STXBP4: variants seen among roughly 807,000 people sequenced by gnomAD.
The protein encoded by STXBP4 is syntaxin-binding protein 4.
STXBP4 carries 55 observed loss-of-function variants against 76.1 expected under a neutral mutation model. That is an observed-to-expected ratio of 0.72 (90% confidence interval 0.58 to 0.91). The LOEUF (loss-of-function observed/expected upper bound fraction) is 0.91. Among genes scored for constraint, STXBP4 ranks in the 40% least tolerant of loss-of-function variants. The pLI is 0.00. For synonymous variants in STXBP4, 201 were observed against 220.2 expected (o/e 0.91, Z 0.77); for missense variants, 618 against 636.9 (o/e 0.97, Z 0.32).
intron 16 of STXBP4, among the ~76,000 whole-genome samples, chr17:55,115,706 T>A (rs1326916027): frequency 6.6e-6 from 1 of 151,892 alleles, no homozygotes; most frequent in African/African-American, 2.4e-5. Flanking sequence ...AATCACAGTT[T>A]AAAGTAATAA....
chr17:55,182,715 G>GA, the STXBP4 span, among the ~76,000 whole-genome samples: 15 of 149,056 alleles, frequency 1.0e-4, no homozygotes, highest in Middle Eastern at 3.4e-3. Context: ...AAAGCAGACA[G>GA]AAAAAAAAAG....
chr17:55,141,101 ATTG>A (rs773623815), intron 16 of STXBP4, among the ~76,000 whole-genome samples: 1 of 152,180 alleles, frequency 6.6e-6, no homozygotes, highest in African/African-American at 2.4e-5. Flanking sequence ...ACTAAAGCAG[ATTG>A]TTAACTGCTC....
intron 7 of STXBP4, 73 bp downstream of exon 7, chr17:55,000,956 C>A: frequency 2.0e-6 from 2 of 1,018,022 alleles, no homozygotes; most frequent in Non-Finnish European, 3.0e-6. Flanking sequence ...TGTAATGTGA[C>A]TTAAGACTTT....
At chr17:55,101,339 T>C (rs1015316953) in intron 16 of STXBP4, among the ~76,000 whole-genome samples, 6 of 152,176 alleles carry the variant, frequency 3.9e-5, no homozygotes, top group African/African-American at 1.4e-4. Flanking sequence ...TTGACACTTT[T>C]CTATCTAATC....
At chr17:55,084,456 C>G (rs2079298049) in intron 16 of STXBP4, among the ~76,000 whole-genome samples, 1 of 151,956 alleles carries the variant, frequency 6.6e-6, no homozygotes, top group South Asian at 2.1e-4. Context: ...ATGGTAGTTT[C>G]TTTTGCTGTG....
intron 12 of STXBP4, among the ~76,000 whole-genome samples, chr17:55,065,219 CTT>C (rs1367438298): frequency 2.0e-5 from 3 of 152,120 alleles, no homozygotes; most frequent in African/African-American, 7.2e-5. Flanking sequence ...CATGTTTCCT[CTT>C]GTTTCTTTAT....
rs1267552887 is a variant in STXBP4, at chr17:55,164,131, A to AATGT, written c.*4221_*4224dup. ...AGAGAATGAAAAGAACCTTAAACAG[A>AATGT]ATGTGCCTGTGGAGCTTCGCTTTAG... On this transcript the variant is annotated 3_prime_UTR_variant, in exon 18 of 18. Transcript: ENST00000376352. 5 of 152,272 alleles carry AATGT rather than the reference A, an allele frequency of 3.3e-5. No individual in the cohort carries two copies. Among genetic ancestry groups the AATGT allele is most frequent in the African/African-American group, 1.2e-4 (5 of 41,464 alleles). 9.4% of individuals were successfully genotyped at this position (152,272 alleles called of 1,614,324 possible). A position where few individuals can be genotyped will look rare whatever the true frequency, so the allele number is the denominator to read the frequency against.
the STXBP4 span, among the ~76,000 whole-genome samples, chr17:55,187,193 G>A: frequency 6.6e-6 from 1 of 152,182 alleles, no homozygotes; most frequent in East Asian, 1.9e-4. Context: ...CAGAGAAGTA[G>A]GCAGCATGCA....
At chr17:55,108,951 A>G (rs1054414048) in intron 16 of STXBP4, among the ~76,000 whole-genome samples, 1 of 152,146 alleles carries the variant, frequency 6.6e-6, no homozygotes, top group Non-Finnish European at 1.5e-5. Context: ...TGCCCCCAAA[A>G]TTTGGCTTTA....
rs868325796 is a variant in STXBP4 at position 55,023,957 on chromosome 17, T to C, written c.667-7211T>C. 1.7e-4 allele frequency among the ~76,000 whole-genome samples: 21 copies of C among 120,688 alleles called. No individual in the cohort carries two copies. The South Asian group carries it at 5.5e-3, about 31-fold the overall frequency. The allele number at this position is 120,688 out of a possible 152,430, so 79.2% of individuals were successfully genotyped here. A position where few individuals can be genotyped will look rare whatever the true frequency, so the allele number is the denominator to read the frequency against. ...AAAAAAAAAGAAAACACTAGAGAAA[T>C]GCTCCAACCCAAGGAAAATACAGAT... On this transcript the variant is annotated intron_variant, in intron 8 of 17. Transcript: ENST00000376352.
In STXBP4 at chr17:55,044,976, C is replaced by T. The variant is rs544873664; in HGVS notation, c.945+1651C>T. ...ACATTAAATAGTTATTTGGCCAGTT[C>T]CCTATTGATGGACATTAGACTATTT... On this transcript the variant is annotated intron_variant, in intron 11 of 17. Coordinates refer to ENST00000376352, the MANE Select transcript of STXBP4 (RefSeq NM_178509.6). Among the ~76,000 whole-genome samples the T allele has an allele frequency of 2.9e-4, 44 of 152,022 alleles. 1 individual carries two copies. Among genetic ancestry groups the T allele is most frequent in the Middle Eastern group, 6.8e-3 (2 of 292 alleles).
At chr17:55,032,801 T>C (rs181787362) in intron 9 of STXBP4, among the ~76,000 whole-genome samples, 1 of 152,260 alleles carries the variant, frequency 6.6e-6, no homozygotes, top group Admixed American at 6.5e-5. Context: ...TTTATTACTA[T>C]AGGCAGAAGA....
intron 4 of STXBP4, among the ~76,000 whole-genome samples, chr17:54,997,600 TTA>T (rs986249338): frequency 2.1e-5 from 3 of 140,530 alleles, no homozygotes; most frequent in Non-Finnish European, 4.6e-5. Context: ...TTTATATATT[TTA>T]TATATATATA....
chr17:54,981,516 G>A (rs1053375668), intron 1 of STXBP4, among the ~76,000 whole-genome samples: 1 of 152,022 alleles, frequency 6.6e-6, no homozygotes, highest in African/African-American at 2.4e-5. Flanking sequence ...ACAATGGGGT[G>A]GTCTTCTTGG....
chr17:55,059,913 A>T (rs962496172), intron 12 of STXBP4, among the ~76,000 whole-genome samples: 1 of 152,158 alleles, frequency 6.6e-6, no homozygotes, highest in African/African-American at 2.4e-5. Flanking sequence ...AGTAATAAGG[A>T]GAAACAACAG....
At chr17:55,127,131 C>T (rs972174563) in intron 16 of STXBP4, among the ~76,000 whole-genome samples, 1 of 152,152 alleles carries the variant, frequency 6.6e-6, no homozygotes, top group African/African-American at 2.4e-5. Context: ...TCCATGTGCT[C>T]CTTTGTAATC....
chr17:55,022,364 A>G (rs1464928993), intron 8 of STXBP4, among the ~76,000 whole-genome samples: 2 of 152,026 alleles, frequency 1.3e-5, no homozygotes, highest in Middle Eastern at 3.4e-3. Flanking sequence ...GGAGGTTGTC[A>G]GAAGAGGTTG....
At chr17:55,083,144 T>G (rs114720544) in intron 16 of STXBP4, among the ~76,000 whole-genome samples, 1,672 of 152,042 alleles carry the variant, frequency 0.011, 27 homozygotes, top group African/African-American at 0.037. Flanking sequence ...GCCTGGCATT[T>G]TTTTATTTTT....
At chr17:55,056,667 A>G (rs2144801702) in intron 12 of STXBP4, among the ~76,000 whole-genome samples, 1 of 152,262 alleles carries the variant, frequency 6.6e-6, no homozygotes, top group African/African-American at 2.4e-5. Flanking sequence ...ATGCCGCTGC[A>G]CTCCAGCCTG....
Sources: allele counts gnomAD v4.1 joint callset (sites outside exome capture counted in the v4.1 genomes callset), GRCh38; gene constraint gnomAD v4.1.1; transcripts MANE v1.5; gene names NCBI Gene and HGNC (gene_info 2026-07-23, HGNC 2026-07-21).